The following URGCP variants were observed in gnomAD, a reference collection of about 807,000 sequenced individuals.
URGCP encodes the protein up-regulator of cell proliferation.
URGCP carries 13 observed loss-of-function variants against 24.6 expected under a neutral mutation model. That is an observed-to-expected ratio of 0.53 (90% CI 0.34 to 0.84). The LOEUF (loss-of-function observed/expected upper bound fraction) is 0.84, where lower values mean the gene tolerates loss of function less well. URGCP is among the 40% of genes least tolerant of loss of function. The pLI, the probability that URGCP is intolerant of heterozygous loss-of-function variation, is 0.01. For missense variants in URGCP, 899 were observed against 1,194.3 expected, an observed-to-expected ratio of 0.75 and a Z score of 3.64; for synonymous variants, 444 against 487.2, an observed-to-expected ratio of 0.91 and a Z score of 1.17.
chr7:43,923,882 T>A (rs576685970), intron 1 of URGCP, among the ~76,000 whole-genome samples: 51 of 152,196 alleles, frequency 3.4e-4, no homozygotes, highest in African/African-American at 1.0e-3. Context: ...TATTATTATT[T>A]TTTTTTTGAG....
intron 3 of URGCP, among the ~76,000 whole-genome samples, chr7:43,885,943 C>G (rs1040642300): frequency 6.6e-6 from 1 of 152,198 alleles, no homozygotes; most frequent in African/African-American, 2.4e-5. Context: ...TGTGGAGAAA[C>G]TAAAGGGCTT....
chr7:43,882,108 G>T, intron 3 of URGCP, 151 bp from the exon 4 acceptor site: 1 of 1,343,078 alleles, frequency 7.4e-7, no homozygotes, highest in Non-Finnish European at 9.9e-7. Flanking sequence ...GACCAGCCTG[G>T]GCAACAAAGC....
chr7:43,905,260 G>A (rs916255375), intron 1 of URGCP, among the ~76,000 whole-genome samples: 2 of 69,074 alleles, frequency 2.9e-5, no homozygotes, highest in Admixed American at 3.7e-4. Context: ...CCTCAACATT[G>A]CCTCCAGGAG....
intron 2 of URGCP, 152 bp from the exon 3 acceptor site, chr7:43,887,637 C>G: frequency 6.8e-7 from 1 of 1,474,286 alleles, no homozygotes; most frequent in African/African-American, 1.4e-5. Context: ...TCTCTGGGAG[C>G]TGGTCCTGGG....
chr7:43,892,285 G>A (rs572623375), intron 1 of URGCP, among the ~76,000 whole-genome samples: 2 of 145,098 alleles, frequency 1.4e-5, no homozygotes, highest in Admixed American at 1.4e-4. Flanking sequence ...GTGCAGTGGT[G>A]CAATCTCGGC....
chr7:43,916,950 T>C (rs1245124728), intron 1 of URGCP, among the ~76,000 whole-genome samples: 3 of 152,176 alleles, frequency 2.0e-5, no homozygotes, highest in Non-Finnish European at 4.4e-5. Flanking sequence ...GGGGCTCCTT[T>C]AAATAAATGC....
chr7:43,899,958 G>C (rs2095886749), intron 1 of URGCP, among the ~76,000 whole-genome samples: 1 of 151,884 alleles, frequency 6.6e-6, no homozygotes, highest in Non-Finnish European at 1.5e-5. Flanking sequence ...AACATAGTAA[G>C]ACCCTGTCTC....
At chr7:43,892,922 A>T (rs1170848466) in intron 1 of URGCP, among the ~76,000 whole-genome samples, 1 of 152,212 alleles carries the variant, frequency 6.6e-6, no homozygotes, top group Admixed American at 6.5e-5. Flanking sequence ...GCTTAGGGGA[A>T]TGTTATATCT....
rs1252544870 is a variant in URGCP, at chr7:43,920,202, A to T, written c.-116+5930T>A. On this transcript the variant is annotated intron_variant, in intron 1 of 5. Transcript: ENST00000426198. ...TTTTCTGTTAGTCTGCGAACACATTACTTCTCCTCTTATGAGACTATTTAT... is the reference window on the plus strand; with the variant it reads ...TTTTCTGTTAGTCTGCGAACACATTTCTTCTCCTCTTATGAGACTATTTAT... The T allele has an allele frequency of 9.2e-6, 5 of 544,532 alleles. No homozygotes were observed. In the East Asian group the frequency reaches 1.2e-4, roughly 13 times the overall value. 33.7% of individuals were successfully genotyped at this position (544,532 alleles called of 1,614,324 possible).
chr7:43,881,048 T>C, intron 5 of URGCP: 1 of 624,776 alleles, frequency 1.6e-6, no homozygotes, highest in South Asian at 1.9e-5. Context: ...AAAACAAAAG[T>C]ACTATATGGG....
At chr7:43,906,290 G>A (rs59568604) in intron 1 of URGCP, 48,883 of 167,588 alleles carry the variant, frequency 0.29, 7,935 homozygotes, top group South Asian at 0.49. Context: ...CGCCCTCCCC[G>A]GATCCCCTAG....
chr7:43,879,394 G>T (rs981508292), intron 5 of URGCP, 134 bp from the exon 6 acceptor site: 3 of 1,067,684 alleles, frequency 2.8e-6, no homozygotes, highest in Middle Eastern at 3.1e-4. Flanking sequence ...GCAGGCACAG[G>T]AGGCTCAGGG....
At chr7:43,884,654 C>T (rs936357550) in intron 3 of URGCP, among the ~76,000 whole-genome samples, 2 of 152,144 alleles carry the variant, frequency 1.3e-5, no homozygotes, top group African/African-American at 4.8e-5. Context: ...AATAGCAAGA[C>T]CCCTGTCTCT....
At chr7:43,896,163 G>T (rs773786083) in intron 1 of URGCP, among the ~76,000 whole-genome samples, 1 of 152,154 alleles carries the variant, frequency 6.6e-6, no homozygotes, top group Non-Finnish European at 1.5e-5. Context: ...GGTTATTAGA[G>T]ACTGGAATGC....
intron 4 of URGCP, 103 bp downstream of exon 4, chr7:43,881,804 C>T: frequency 1.9e-6 from 3 of 1,604,502 alleles, no homozygotes; most frequent in Non-Finnish European, 2.6e-6. Context: ...ACCAAGATGG[C>T]AACTTCTCCC....
intron 1 of URGCP, among the ~76,000 whole-genome samples, chr7:43,893,525 T>C: frequency 6.6e-6 from 1 of 152,144 alleles, no homozygotes. Flanking sequence ...CAACTCTATG[T>C]TGTCTACAAG....
intron 1 of URGCP, among the ~76,000 whole-genome samples, chr7:43,899,003 G>A (rs1029480859): frequency 1.3e-5 from 2 of 149,236 alleles, no homozygotes; most frequent in South Asian, 2.1e-4. Context: ...GCGTGGTGGC[G>A]CATGCCTGTA....
chr7:43,893,243 C>A (rs2095873595), intron 1 of URGCP, among the ~76,000 whole-genome samples: 1 of 151,688 alleles, frequency 6.6e-6, no homozygotes, highest in Non-Finnish European at 1.5e-5. Context: ...GTGAGAGGAT[C>A]ACCTGAGCCC....
chr7:43,897,093 C>T (rs2095879823), intron 1 of URGCP, among the ~76,000 whole-genome samples: 1 of 152,112 alleles, frequency 6.6e-6, no homozygotes, highest in South Asian at 2.1e-4. Context: ...GCCCCAGCTA[C>T]TGGGGAGGCT....
Sources: gnomAD v4.1 joint callset for allele counts (sites outside exome capture counted in the v4.1 genomes callset) on GRCh38, gnomAD v4.1.1 for gene constraint, MANE v1.5 for transcripts, NCBI Gene and HGNC (gene_info 2026-07-23, HGNC 2026-07-21) for gene names.